KIAA1217: variants seen among roughly 807,000 people sequenced by gnomAD.
KIAA1217 encodes KIAA1217.
KIAA1217 carries 88 observed loss-of-function variants against 163.9 expected under a neutral mutation model. The observed-to-expected ratio is 0.54, with a 90% confidence interval of 0.45 to 0.64. The LOEUF is 0.64. KIAA1217 is among the 30% of genes least tolerant of loss of function. The probability of loss-of-function intolerance (pLI) is 0.00; values close to 1 mark genes in which losing one functional copy is unlikely to be tolerated. For missense variants in KIAA1217, 2,372 were observed against 2,475.0 expected (o/e 0.96, Z 0.88); for synonymous variants, 903 against 923.1 (o/e 0.98, Z 0.39).
chr10:24,309,265 T>C (rs549332019), intron 2 of KIAA1217, among the ~76,000 whole-genome samples: 2 of 151,902 alleles, frequency 1.3e-5, no homozygotes, highest in Non-Finnish European at 2.9e-5. Context: ...TGATGGGGGA[T>C]GTGATATGGT....
intron 14 of KIAA1217, among the ~76,000 whole-genome samples, chr10:24,529,057 C>T (rs192124299): frequency 2.6e-5 from 4 of 152,216 alleles, no homozygotes; most frequent in Admixed American, 2.6e-4. Context: ...AGTCTAATGT[C>T]TCTGCAGTGT....
At chr10:24,110,853 A>G (rs1250790936) in intron 2 of KIAA1217, among the ~76,000 whole-genome samples, 1 of 152,230 alleles carries the variant, frequency 6.6e-6, no homozygotes, top group Non-Finnish European at 1.5e-5. Flanking sequence ...AGTTTCCTCA[A>G]AGTGCATATT....
intron 1 of KIAA1217, among the ~76,000 whole-genome samples, chr10:23,886,525 T>C (rs1841181823): frequency 6.6e-6 from 1 of 151,964 alleles, no homozygotes; most frequent in African/African-American, 2.4e-5. Context: ...AGGAAGCTAC[T>C]GGGCTTTGGT....
chr10:24,510,307 A>G (rs527437253), intron 9 of KIAA1217, among the ~76,000 whole-genome samples: 37 of 152,336 alleles, frequency 2.4e-4, no homozygotes, highest in Admixed American at 1.1e-3. Flanking sequence ...AATTTCTAGC[A>G]TGATATCCAT....
chr10:24,161,312 G>T (rs368691653), intron 2 of KIAA1217, among the ~76,000 whole-genome samples: 1 of 152,184 alleles, frequency 6.6e-6, no homozygotes, highest in Non-Finnish European at 1.5e-5. Flanking sequence ...TAATGTACAG[G>T]CATTCATGGT....
Position 24,513,452 on chromosome 10 carries a change from G to C in KIAA1217, c.2177+18G>C. On this transcript the variant is annotated intron_variant, in intron 10 of 20. Coordinates refer to ENST00000376454, the MANE Select transcript of KIAA1217 (RefSeq NM_019590.5). ...AAGTTGTGGTGAGTGCCAGTCACTT[G>C]CATGTTGAGCTGTTTCACCTGCAAA... 1.9e-6 allele frequency: 3 copies of C among 1,609,512 alleles called. No homozygotes were observed. Among genetic ancestry groups the C allele is most frequent in the Non-Finnish European group, 2.5e-6 (3 of 1,176,740 alleles).
chr10:23,813,858 G>A (rs957097543), intron 1 of KIAA1217, among the ~76,000 whole-genome samples: 4 of 152,116 alleles, frequency 2.6e-5, no homozygotes, highest in African/African-American at 4.8e-5. Flanking sequence ...GTTTCATTAT[G>A]TCCTTATCAA....
intron 2 of KIAA1217, among the ~76,000 whole-genome samples, chr10:24,038,744 T>C (rs1848498888): frequency 7.8e-6 from 1 of 129,016 alleles, no homozygotes; most frequent in Admixed American, 9.4e-5. Context: ...CACCTGAGAA[T>C]TGCTTTTTTT....
At chr10:24,439,160 C>T (rs1052626104) in intron 5 of KIAA1217, among the ~76,000 whole-genome samples, 5 of 152,110 alleles carry the variant, frequency 3.3e-5, no homozygotes, top group Non-Finnish European at 7.4e-5. Flanking sequence ...ATTTTAAGAT[C>T]ATATTAATGC....
At chr10:24,073,230 C>T (rs1390054988) in intron 2 of KIAA1217, among the ~76,000 whole-genome samples, 7 of 151,956 alleles carry the variant, frequency 4.6e-5, no homozygotes, top group African/African-American at 1.2e-4. Flanking sequence ...GCAGAGCTGA[C>T]GTCTTTAGAA....
At chr10:24,308,090 C>G (rs1590818080) in intron 2 of KIAA1217, among the ~76,000 whole-genome samples, 1 of 152,272 alleles carries the variant, frequency 6.6e-6, no homozygotes, top group African/African-American at 2.4e-5. Context: ...CTTATTTGTT[C>G]TTACGTGTAA....
intron 3 of KIAA1217, among the ~76,000 whole-genome samples, chr10:24,411,531 C>T (rs1168521415): frequency 6.6e-6 from 1 of 152,148 alleles, no homozygotes; most frequent in Non-Finnish European, 1.5e-5. Context: ...CTGCTACTTA[C>T]AGGATATACT....
intron 5 of KIAA1217, chr10:24,449,776 G>A: frequency 1.0e-6 from 1 of 977,548 alleles, no homozygotes; most frequent in Non-Finnish European, 1.2e-6. Context: ...TAAGAACTGT[G>A]CCTTTATGAT....
intron 1 of KIAA1217, among the ~76,000 whole-genome samples, chr10:23,875,063 C>T (rs1840619600): frequency 6.6e-6 from 1 of 151,960 alleles, no homozygotes; most frequent in Non-Finnish European, 1.5e-5. Flanking sequence ...AAGCAGATCT[C>T]ATGTGAACTC....
chr10:24,544,529 T>G, intron 19 of KIAA1217, 48 bp downstream of exon 19: 1 of 1,547,262 alleles, frequency 6.5e-7, no homozygotes, highest in Admixed American at 2.1e-5. Flanking sequence ...CTTTCCTAAA[T>G]CTGCCATAAT....
At chr10:24,201,587 G>A (rs2067256283) in intron 2 of KIAA1217, among the ~76,000 whole-genome samples, 1 of 152,088 alleles carries the variant, frequency 6.6e-6, no homozygotes, top group South Asian at 2.1e-4. Flanking sequence ...TCTACCTCCT[G>A]CATGCCAGCA....
chr10:23,990,377 G>T (rs184795996), intron 1 of KIAA1217, among the ~76,000 whole-genome samples: 2 of 151,892 alleles, frequency 1.3e-5, no homozygotes, highest in Admixed American at 1.3e-4. Context: ...TTTCATGAAG[G>T]CCTCAAAAAT....
chr10:24,061,737 T>C (rs1034517504), intron 2 of KIAA1217, among the ~76,000 whole-genome samples: 2 of 152,222 alleles, frequency 1.3e-5, no homozygotes, highest in Non-Finnish European at 2.9e-5. Flanking sequence ...AGTATTCTGC[T>C]GAAAAACCCA....
At chr10:23,844,042 A>G (rs1373255850) in intron 1 of KIAA1217, among the ~76,000 whole-genome samples, 1 of 152,188 alleles carries the variant, frequency 6.6e-6, no homozygotes, top group African/African-American at 2.4e-5. Flanking sequence ...GAGCAGCTGT[A>G]TAGCTACAAG....
Sources: gnomAD v4.1 joint callset for allele counts (sites outside exome capture counted in the v4.1 genomes callset) on GRCh38, gnomAD v4.1.1 for gene constraint, MANE v1.5 for transcripts, NCBI Gene and HGNC (gene_info 2026-07-23, HGNC 2026-07-21) for gene names.